ROCK2: variants seen among roughly 807,000 people sequenced by gnomAD.
The protein encoded by ROCK2 is rho-associated protein kinase 2.
In ROCK2, 61 loss-of-function variants were observed where a neutral mutation model predicts 195.1. That is an observed-to-expected ratio of 0.31 (90% CI 0.25 to 0.39). The LOEUF (loss-of-function observed/expected upper bound fraction) is 0.39. Among genes scored for constraint, ROCK2 ranks in the 10% least tolerant of loss-of-function variants. ROCK2 has a pLI of 1.00. For missense variants in ROCK2, 1,109 were observed against 1,637.4 expected (o/e 0.68, Z 5.57); for synonymous variants, 504 against 545.5 (o/e 0.92, Z 1.06).
At chr2:11,227,183 T>C (rs1664843384) in intron 6 of ROCK2, 71 bp downstream of exon 6, 1 of 1,389,568 alleles carries the variant, frequency 7.2e-7, no homozygotes. Context: ...TTCCTTATAT[T>C]CTCAAATTCT....
At chr2:11,314,141 G>A (rs1668120107) in intron 1 of ROCK2, among the ~76,000 whole-genome samples, 1 of 151,894 alleles carries the variant, frequency 6.6e-6, no homozygotes, top group South Asian at 2.1e-4. Context: ...ATAGAACTAT[G>A]ATAAATGAAT....
At chr2:11,257,651 A>C (rs1371747731) in intron 3 of ROCK2, among the ~76,000 whole-genome samples, 2 of 151,272 alleles carry the variant, frequency 1.3e-5, no homozygotes, top group Non-Finnish European at 2.9e-5. Flanking sequence ...TGGAAATGTG[A>C]ATCTGGAACT....
chr2:11,328,877 T>C (rs1572414449), intron 1 of ROCK2, among the ~76,000 whole-genome samples: 2 of 129,594 alleles, frequency 1.5e-5, no homozygotes, highest in South Asian at 5.0e-4. Flanking sequence ...TGAGAACACA[T>C]GGACACAGGA....
intron 15 of ROCK2, 64 bp from the exon 16 acceptor site, chr2:11,215,150 C>A: frequency 6.4e-7 from 1 of 1,571,666 alleles, no homozygotes; most frequent in South Asian, 1.2e-5. Flanking sequence ...GAAAATAAGT[C>A]AATGTATTCC....
In ROCK2 at chr2:11,344,330, C is replaced by CGGCCT. The variant is rs1294481041; in HGVS notation, c.-195_-194insAGGCC. ...TCCCAGGGGCCCGCCCGGCCCAGCCCGGCCCAGCCCGGCCCGGCCCTGCCG... is the reference window on the plus strand; with the variant it reads ...TCCCAGGGGCCCGCCCGGCCCAGCCCGGCCTGGCCCAGCCCGGCCCGGCCCTGCCG... On this transcript the variant is annotated 5_prime_UTR_variant, in exon 1 of 33. Transcript: ENST00000315872. The surrounding 1 kb of genome is among the most constrained non-coding windows in gnomAD (Gnocchi z 5.4). 3.6e-6 allele frequency: 4 copies of CGGCCT among 1,108,324 alleles called. No homozygotes were observed. The highest frequency in any genetic ancestry group is 4.5e-6 in the Non-Finnish European group (4 of 894,606). The allele number at this position is 1,108,324 out of a possible 1,614,324, so 68.7% of individuals were successfully genotyped here.
chr2:11,305,116 C>T (rs1206035607), intron 1 of ROCK2, among the ~76,000 whole-genome samples: 1 of 152,170 alleles, frequency 6.6e-6, no homozygotes, highest in Non-Finnish European at 1.5e-5. Flanking sequence ...TGGCTCATGC[C>T]TGTAATCCCA....
At chr2:11,293,380 A>G (rs1667419498) in intron 1 of ROCK2, among the ~76,000 whole-genome samples, 1 of 152,202 alleles carries the variant, frequency 6.6e-6, no homozygotes, top group South Asian at 2.1e-4. Flanking sequence ...CGTTTGTAAA[A>G]AAGAGTTCAT....
chr2:11,344,116 C>T lies in ROCK2; in HGVS notation c.21G>A (p.Thr7=), dbSNP rs1350329438. Residue 7 remains threonine (T), a synonymous_variant, in exon 1 of 33, where the codon ACG becomes ACA. Coordinates refer to ENST00000315872, the MANE Select transcript of ROCK2 (RefSeq NM_004850.5). This position sits in a 1 kb window ranked among gnomAD's most constrained non-coding sequence, Gnocchi z 5.4. ...TCTCGGGGGCGCCGGGCATTTTCCC[C>T]GTCGGCGGGGGCCGGCTCATGCCGC... is the stretch of plus-strand genomic sequence containing the variant. MSRPPP[T]GKMPGAPETA... is the part of the protein sequence containing the mutation. The T allele has an allele frequency of 4.1e-5, 61 of 1,489,120 alleles. No homozygotes were observed. The highest frequency in any genetic ancestry group is 5.1e-5 in the Non-Finnish European group (57 of 1,126,938). 92.2% of individuals were successfully genotyped at this position (1,489,120 alleles called of 1,614,324 possible). A position where few individuals can be genotyped will look rare whatever the true frequency, so the allele number is the denominator to read the frequency against.
intron 15 of ROCK2, 81 bp downstream of exon 15, chr2:11,215,240 T>C: frequency 1.4e-6 from 2 of 1,409,282 alleles, no homozygotes; most frequent in African/African-American, 1.4e-5. Flanking sequence ...TAAAGGCCTT[T>C]TGCAACACTG....
intron 1 of ROCK2, among the ~76,000 whole-genome samples, chr2:11,304,102 G>A (rs936523069): frequency 8.6e-5 from 13 of 151,796 alleles, no homozygotes; most frequent in South Asian, 2.1e-4. Flanking sequence ...TCACTCCCTC[G>A]AACTCCATCT....
intron 1 of ROCK2, among the ~76,000 whole-genome samples, chr2:11,330,631 T>A (rs1195278488): frequency 6.6e-6 from 1 of 151,404 alleles, no homozygotes; most frequent in African/African-American, 2.4e-5. Context: ...TGAGCCGATA[T>A]CTCACCACTG....
At chr2:11,317,560 G>T (rs1211317535) in intron 1 of ROCK2, among the ~76,000 whole-genome samples, 1 of 60,934 alleles carries the variant, frequency 1.6e-5, no homozygotes, top group Non-Finnish European at 3.1e-5. Context: ...TTTTAAAGCC[G>T]CCCTGATCTA....
chr2:11,301,443 C>T (rs542585315), intron 1 of ROCK2, among the ~76,000 whole-genome samples: 56 of 151,928 alleles, frequency 3.7e-4, no homozygotes, highest in Non-Finnish European at 7.2e-4. Context: ...ATCTTAGTAT[C>T]AACATAACCA....
chr2:11,274,426 TG>T (rs1273323786), intron 3 of ROCK2, among the ~76,000 whole-genome samples: 6 of 152,114 alleles, frequency 3.9e-5, no homozygotes, highest in African/African-American at 4.8e-5. Context: ...GAAATAAAAG[TG>T]GGGACATTAC....
At position 11,219,010 on chromosome 2, in the gene ROCK2, G is replaced by A. The variant is rs1664529183; in HGVS notation, c.1276C>T (p.Pro426Ser). 4 of 1,474,696 alleles carry A rather than the reference G, an allele frequency of 2.7e-6. No homozygotes were observed. Among genetic ancestry groups the A allele is most frequent in the South Asian group, 1.3e-5 (1 of 79,088 alleles). 91.4% of individuals were successfully genotyped at this position (1,474,696 alleles called of 1,614,324 possible). A position where few individuals can be genotyped will look rare whatever the true frequency, so the allele number is the denominator to read the frequency against. Residue 426 changes from proline to serine, a missense_variant, in exon 10 of 33, where the codon CCA (proline) becomes TCA (serine). Coordinates refer to ENST00000315872, the MANE Select transcript of ROCK2 (RefSeq NM_004850.5). ...ATGGAATCAGTTTCTCTACAAGATG[G>A]AGAGTCACTTAATAATCTACATGGA... ...YRENLLLSDS[P>S]SCRETDSIQS...
chr2:11,181,459 T>G lies in ROCK2; in HGVS notation c.*1978A>C, dbSNP rs1662987620. ...ACAGACAGCACAGCAGAGTGCAGAC[T>G]GGAGAACGTTAAGAATAACAAAACC... On this transcript the variant is annotated 3_prime_UTR_variant, in exon 33 of 33. Coordinates refer to ENST00000315872, the MANE Select transcript of ROCK2 (RefSeq NM_004850.5). The G allele has an allele frequency of 6.6e-6, 1 of 151,926 alleles. No homozygotes were observed. Among genetic ancestry groups the G allele is most frequent in the Admixed American group, 6.6e-5 (1 of 15,228 alleles). 9.4% of individuals were successfully genotyped at this position (151,926 alleles called of 1,614,324 possible).
intron 27 of ROCK2, among the ~76,000 whole-genome samples, chr2:11,195,779 T>C (rs1663612445): frequency 6.6e-6 from 1 of 152,198 alleles, no homozygotes; most frequent in Admixed American, 6.5e-5. Flanking sequence ...CCTCTCAAAG[T>C]GCTAGGATTA....
At position 11,193,858 on chromosome 2, in the gene ROCK2, C is replaced by A; in HGVS notation, c.3609-1G>T. Reference sequence around the variant, plus strand: ...AACTGGTCGGACATGAAATAACTTGCTATAAAAAATTTTGAATAAAGGAAT... The same window carrying A: ...AACTGGTCGGACATGAAATAACTTGATATAAAAAATTTTGAATAAAGGAAT... On this transcript the variant is annotated splice_acceptor_variant, in intron 29 of 32. Transcript: ENST00000315872. LOFTEE classifies it high-confidence loss of function. The A allele has an allele frequency of 6.3e-7, 1 of 1,580,246 alleles. No individual in the cohort carries two copies. The highest frequency in any genetic ancestry group is 8.6e-7 in the Non-Finnish European group (1 of 1,156,232).
chr2:11,312,410 T>C (rs1572394812), intron 1 of ROCK2, among the ~76,000 whole-genome samples: 1 of 152,092 alleles, frequency 6.6e-6, no homozygotes, highest in Admixed American at 6.6e-5. Context: ...CAAAGTTTCC[T>C]GTACTCCTTA....
Sources: allele counts gnomAD v4.1 joint callset (sites outside exome capture counted in the v4.1 genomes callset), GRCh38; gene constraint gnomAD v4.1.1; non-coding constraint Gnocchi (gnomAD v3.1); transcripts MANE v1.5; gene names NCBI Gene and HGNC (gene_info 2026-07-23, HGNC 2026-07-21).